The following FBF1 variants were observed in gnomAD, a reference collection of about 807,000 sequenced individuals.
FBF1 encodes Fas binding factor 1.
Under a neutral mutation model 147.2 loss-of-function variants are expected in FBF1, and 119 were observed. The observed-to-expected ratio is 0.81, with a 90% CI of 0.70 to 0.94. The LOEUF is 0.94. Ranked by LOEUF, FBF1 falls within the 40% of genes least tolerant of loss-of-function variation. FBF1 has a pLI of 0.00. For synonymous variants in FBF1, 601 were observed against 609.0 expected (o/e 0.99, Z 0.19); for missense variants, 1,449 against 1,500.8 (o/e 0.97, Z 0.57).
rs1402804654 is a variant in FBF1, at chr17:75,914,206, C to T, written c.2907G>A (p.Gln969=). ...TCCTCTCCTTCTCCAGCCGCAGCTC[C>T]TGCCGCTCCTGCTCCAGGGCTGCTC... ...AERAALEQER[Q]ELRLEKERIN... The change falls in exon 26 of 30, where the codon CAG becomes CAA. Residue 969 remains glutamine, a synonymous_variant. Coordinates refer to ENST00000636174, the MANE Select transcript of FBF1 (RefSeq NM_001319193.2). 6.3e-7 allele frequency: 1 copy of T among 1,594,182 alleles called. No individual in the cohort carries two copies. The highest frequency in any genetic ancestry group is 1.7e-5 in the Admixed American group (1 of 57,444).
At chr17:75,914,707 A>C in intron 25 of FBF1, 40 bp downstream of exon 25, 3 of 1,483,530 alleles carry the variant, frequency 2.0e-6, no homozygotes, top group Non-Finnish European at 2.7e-6. Context: ...GGGCGCAGGC[A>C]ACCCTGGGCC....
chr17:75,921,863 G>A, intron 15 of FBF1, 82 bp downstream of exon 15: 1 of 1,258,230 alleles, frequency 7.9e-7, no homozygotes, highest in Non-Finnish European at 1.1e-6. Flanking sequence ...AGGGTGAACA[G>A]CCTCTGTGTC....
At chr17:75,931,762 G>A (rs888079864) in intron 5 of FBF1, among the ~76,000 whole-genome samples, 3 of 151,500 alleles carry the variant, frequency 2.0e-5, no homozygotes, top group South Asian at 2.1e-4. Context: ...CAGCCTGGGC[G>A]ACAGAGCAAG....
chr17:75,911,761 A>C (rs900547283), intron 29 of FBF1, among the ~76,000 whole-genome samples: 53 of 151,748 alleles, frequency 3.5e-4, no homozygotes, highest in Non-Finnish European at 1.2e-4. Flanking sequence ...TCCTCCCACC[A>C]TAGCCTCCCA....
At chr17:75,940,119 T>C (rs1328777384) in intron 1 of FBF1, among the ~76,000 whole-genome samples, 1 of 150,872 alleles carries the variant, frequency 6.6e-6, no homozygotes, top group Non-Finnish European at 1.5e-5. Flanking sequence ...TTAATTTTTG[T>C]ATTTTTAGTA....
chr17:75,928,344 G>A lies in FBF1; in HGVS notation c.280-151C>T, dbSNP rs1466501458. ...ACTGTTGAGAAAAACAGTGAGTGAA[G>A]AAAGAAAATGGAACTAAAGGTAAGC... On this transcript the variant is annotated intron_variant, in intron 7 of 29. Coordinates refer to ENST00000636174, the MANE Select transcript of FBF1 (RefSeq NM_001319193.2). The surrounding 1 kb of genome is among the most constrained non-coding windows in gnomAD (Gnocchi z 4.2). Among the ~76,000 whole-genome samples the A allele has an allele frequency of 6.6e-6, 1 of 152,044 alleles. No homozygotes were observed. The highest frequency in any genetic ancestry group is 1.9e-4 in the East Asian group (1 of 5,194).
intron 3 of FBF1, among the ~76,000 whole-genome samples, chr17:75,936,818 G>A (rs966431582): frequency 6.6e-6 from 1 of 152,112 alleles, no homozygotes; most frequent in African/African-American, 2.4e-5. Flanking sequence ...CAGCTCGCTG[G>A]GAAGAGTGCC....
chr17:75,917,740 G>A lies in FBF1; in HGVS notation c.2497C>T (p.Leu833=), dbSNP rs1287888346. 6.3e-7 allele frequency: 1 copy of A among 1,591,962 alleles called. No individual in the cohort carries two copies. The highest frequency in any genetic ancestry group is 1.3e-5 in the African/African-American group (1 of 74,418). ...EARLNEQSRL[L]EQERWRVTAE... ...AGGAGGACGGGCCTCACCTGCTCCA[G>A]CAGCCGGCTCTGCTCATTCAGCCGT... The change falls in exon 23 of 30, where the codon CTG becomes TTG. Residue 833 remains leucine (L), a synonymous_variant. Transcript: ENST00000636174.
Position 75,923,893 on chromosome 17 carries a change from A to G in FBF1, c.969-252T>C, listed in dbSNP as rs952149028. Among the ~76,000 whole-genome samples the G allele has an allele frequency of 6.6e-6, 1 of 152,204 alleles. No homozygotes were observed. The highest frequency in any genetic ancestry group is 2.4e-5 in the African/African-American group (1 of 41,448). On this transcript the variant is annotated intron_variant, in intron 13 of 29. Transcript: ENST00000636174. The surrounding 1 kb of genome is among the most constrained non-coding windows in gnomAD (Gnocchi z 4.1). ...CCCACAGAGAACAGGAACAGGATCA[A>G]ATGACAGCCATGGGCACACAGGTCT...
intron 2 of FBF1, 169 bp downstream of exon 2, chr17:75,937,978 G>C: frequency 2.1e-6 from 2 of 954,548 alleles, no homozygotes; most frequent in Non-Finnish European, 3.2e-6. Context: ...AAGAAACCTT[G>C]GTCGTCGAAA....
At chr17:75,924,251 G>T (rs550053974) in intron 13 of FBF1, among the ~76,000 whole-genome samples, 39 of 152,272 alleles carry the variant, frequency 2.6e-4, no homozygotes, top group African/African-American at 9.4e-4. Flanking sequence ...TGGTTTCCAG[G>T]TTTTCCAACA....
chr17:75,917,802 C>A lies in FBF1; in HGVS notation c.2435G>T (p.Arg812Leu), dbSNP rs775462691. ...CCCGATGACCTCCTGTTGCCGGCTC[C>A]GCTCCTCCTCCATGTCCCGCTGCTG... ...GQQQRDMEEE[R>L]SRQQEVIGKM... The change falls in exon 23 of 30, where the codon CGG (arginine) becomes CTG (leucine). Residue 812 changes from arginine to leucine, a missense_variant. Arg to Leu is a moderately radical substitution (Grantham distance 102). Transcript: ENST00000636174. The A allele has an allele frequency of 1.2e-6, 2 of 1,609,944 alleles. No individual in the cohort carries two copies. The highest frequency in any genetic ancestry group is 3.4e-5 in the Admixed American group (2 of 59,690).
At chr17:75,912,395 C>A (rs1224418319) in intron 28 of FBF1, 88 bp from the exon 29 acceptor site, 30 of 990,622 alleles carry the variant, frequency 3.0e-5, no homozygotes, top group Non-Finnish European at 5.8e-6. Flanking sequence ...CTGCTCCCCC[C>A]GCCAGTGGGT....
chr17:75,930,683 A>G (rs1344472369), intron 6 of FBF1, among the ~76,000 whole-genome samples: 1 of 152,148 alleles, frequency 6.6e-6, no homozygotes, highest in Admixed American at 6.5e-5. Flanking sequence ...CAGTACTTTG[A>G]GAGGCCGATG....
rs757229413 is a variant in FBF1, at chr17:75,926,105, T to C, written c.793A>G (p.Thr265Ala). 1.4e-5 allele frequency: 22 copies of C among 1,611,726 alleles called. No individual in the cohort carries two copies. The highest frequency in any genetic ancestry group is 8.0e-5 in the African/African-American group (6 of 74,938). The change falls in exon 12 of 30, where the codon ACC becomes GCC. Residue 265 changes from threonine to alanine, a missense_variant. Transcript: ENST00000636174. Reference sequence around the variant, plus strand: ...GTGCCCGGGCGGGCCAGGAGTTTGGTGGCCATGCCTCGACCCAGCAGCTCA... The same window carrying C: ...GTGCCCGGGCGGGCCAGGAGTTTGGCGGCCATGCCTCGACCCAGCAGCTCA... ...LDELLGRGMA[T>A]KLLARPGTGE...
intron 17 of FBF1, among the ~76,000 whole-genome samples, chr17:75,920,710 A>C (rs1397711751): frequency 6.6e-6 from 1 of 152,144 alleles, no homozygotes; most frequent in African/African-American, 2.4e-5. Flanking sequence ...ACCCCAGCAG[A>C]GTCTTCGCTA....
chr17:75,916,991 C>A (rs2065492839), intron 23 of FBF1, among the ~76,000 whole-genome samples: 1 of 152,166 alleles, frequency 6.6e-6, no homozygotes, highest in Non-Finnish European at 1.5e-5. Context: ...GCTGGGATTA[C>A]AGGCGTGCGC....
In FBF1 at chr17:75,922,432, C is replaced by T. The variant is rs1355340414; in HGVS notation, c.1425-386G>A. Among the ~76,000 whole-genome samples, 3 of 152,280 alleles carry T rather than the reference C, an allele frequency of 2.0e-5. No homozygotes were observed. The highest frequency in any genetic ancestry group is 3.9e-4 in the East Asian group (2 of 5,186). ...GGCTGGCTCCCTTTCCCATTATTTC[C>T]ACCTCTTTCTCGGCTCACGGGTCAG... On this transcript the variant is annotated intron_variant, in intron 14 of 29. Transcript: ENST00000636174. This position sits in a 1 kb window ranked among gnomAD's most constrained non-coding sequence, Gnocchi z 5.0.
chr17:75,916,363 T>C (rs1567858256), intron 23 of FBF1, among the ~76,000 whole-genome samples: 1 of 151,058 alleles, frequency 6.6e-6, no homozygotes, highest in Non-Finnish European at 1.5e-5. Context: ...CTCCCACCTG[T>C]ACTCTCAAAA....
Sources: gnomAD v4.1 joint callset for allele counts (sites outside exome capture counted in the v4.1 genomes callset) on GRCh38, gnomAD v4.1.1 for gene constraint, Gnocchi (gnomAD v3.1) non-coding constraint, MANE v1.5 for transcripts, NCBI Gene and HGNC (gene_info 2026-07-23, HGNC 2026-07-21) for gene names.